Variants in SLC8A3 observed in about 807,000 individuals in gnomAD.
The protein encoded by SLC8A3 is sodium/calcium exchanger 3.
SLC8A3 carries 37 observed loss-of-function variants against 65.4 expected under a neutral mutation model. The ratio of observed to expected loss-of-function variants is 0.57; its 90% CI spans 0.44 to 0.74. SLC8A3 has a LOEUF of 0.74. SLC8A3 is among the 30% of genes least tolerant of loss of function. SLC8A3 has a pLI of 0.00. For synonymous variants in SLC8A3, 461 were observed against 444.5 expected, an observed-to-expected ratio of 1.04 and a Z score of -0.47; for missense variants, 1,112 against 1,172.1, an observed-to-expected ratio of 0.95 and a Z score of 0.75.
At chr14:70,081,154 C>T (rs914995993) in intron 2 of SLC8A3, among the ~76,000 whole-genome samples, 3 of 152,172 alleles carry the variant, frequency 2.0e-5, no homozygotes, top group African/African-American at 7.2e-5. Flanking sequence ...AATCTCCCTT[C>T]GACAAAACCT....
chr14:70,049,479 G>C (rs1887214218), intron 5 of SLC8A3, among the ~76,000 whole-genome samples: 1 of 152,144 alleles, frequency 6.6e-6, no homozygotes, highest in Non-Finnish European at 1.5e-5. Context: ...ACTGGAGCCT[G>C]TCAGGGGTGA....
chr14:70,070,390 C>CCACACA (rs1889898435), intron 2 of SLC8A3, among the ~76,000 whole-genome samples: 1 of 152,058 alleles, frequency 6.6e-6, no homozygotes, highest in Admixed American at 6.5e-5. Flanking sequence ...ATCCCCATTC[C>CCACACA]CACACATGAA....
intron 2 of SLC8A3, among the ~76,000 whole-genome samples, chr14:70,095,279 C>T (rs938335458): frequency 1.3e-5 from 2 of 152,176 alleles, no homozygotes; most frequent in African/African-American, 4.8e-5. Flanking sequence ...CCTAAGAGGG[C>T]CCTAGGACCC....
At chr14:70,104,434 T>C (rs1411399019) in intron 2 of SLC8A3, among the ~76,000 whole-genome samples, 2 of 152,142 alleles carry the variant, frequency 1.3e-5, no homozygotes, top group African/African-American at 4.8e-5. Context: ...TCATATAATT[T>C]GAGACTCTGT....
chr14:70,137,048 A>C (rs909084696), intron 2 of SLC8A3, among the ~76,000 whole-genome samples: 4 of 152,212 alleles, frequency 2.6e-5, no homozygotes, highest in African/African-American at 9.6e-5. Context: ...ACCTCATTAG[A>C]GTCAGAGATA....
At chr14:70,095,502 A>G (rs187653133) in intron 2 of SLC8A3, among the ~76,000 whole-genome samples, 168 of 152,342 alleles carry the variant, frequency 1.1e-3, no homozygotes, top group Middle Eastern at 0.01. Context: ...CTTGGACCAC[A>G]ACAGCGGCTT....
At position 70,049,013 on chromosome 14, in the gene SLC8A3, C is replaced by T. The variant is rs753764714; in HGVS notation, c.2143G>A (p.Glu715Lys). The T allele has an allele frequency of 2.5e-6, 4 of 1,613,318 alleles. No individual in the cohort carries two copies. The highest frequency in any genetic ancestry group is 3.4e-6 in the Non-Finnish European group (4 of 1,179,456). ...TCAAAGCAGGAGGGCAGCCTCTCCT[C>T]CCCGGATTCATCCTCATCCTCATCC... is the stretch of plus-strand genomic sequence containing the variant. ...AGDEDEDESG[E>K]ERLPSCFDYV... is the part of the protein sequence containing the mutation. Residue 715 changes from glutamate to lysine, a missense_variant, in exon 6 of 7, where the codon GAG becomes AAG. Transcript: ENST00000356921.
chr14:70,113,544 T>A (rs1433316885), intron 2 of SLC8A3, among the ~76,000 whole-genome samples: 3 of 152,244 alleles, frequency 2.0e-5, no homozygotes, highest in Non-Finnish European at 4.4e-5. Context: ...TGAGAAATCA[T>A]CCTACTTCTT....
At chr14:70,162,155 C>A (rs554456140) in intron 2 of SLC8A3, among the ~76,000 whole-genome samples, 62 of 152,194 alleles carry the variant, frequency 4.1e-4, no homozygotes, top group Non-Finnish European at 7.8e-4. Context: ...ACTCACACTT[C>A]CAGAGCATCT....
At chr14:70,070,037 A>G (rs1889869342) in intron 2 of SLC8A3, among the ~76,000 whole-genome samples, 1 of 152,134 alleles carries the variant, frequency 6.6e-6, no homozygotes, top group South Asian at 2.1e-4. Context: ...TGCTAGTGCC[A>G]GTCAAGGATG....
chr14:70,099,302 A>T (rs61290566), intron 2 of SLC8A3, among the ~76,000 whole-genome samples: 28,665 of 152,230 alleles, frequency 0.19, 2,854 homozygotes, highest in Non-Finnish European at 0.22. Context: ...AGATTGTGAC[A>T]GAAAGAAGAA....
rs574321920 is a variant in SLC8A3 at position 70,129,849 on chromosome 14, A to T, written c.1784+36790T>A. 2.0e-5 allele frequency among the ~76,000 whole-genome samples: 3 copies of T among 152,332 alleles called. No individual in the cohort carries two copies. The East Asian group carries it at 5.8e-4, about 29-fold the overall frequency. On this transcript the variant is annotated intron_variant, in intron 2 of 6. Transcript: ENST00000356921. ...TAAACAGTAAACTCTTGGAGGGCAG[A>T]ATCCAGTATTTTTTGCATAGCTCAA...
chr14:70,096,232 C>T (rs1396079615), intron 2 of SLC8A3, among the ~76,000 whole-genome samples: 1 of 152,128 alleles, frequency 6.6e-6, no homozygotes, highest in Non-Finnish European at 1.5e-5. Flanking sequence ...GGTGCCTTTA[C>T]TGGGTTCCTG....
Position 70,045,828 on chromosome 14 carries a change from G to A in SLC8A3, c.*119C>T, listed in dbSNP as rs1886693476. The stretch of plus-strand genomic sequence containing the variant: ...GCCTAAGTTGGGTGAAGTTCCTGGG[G>A]CTTAGGTCCTGATGCTGCCTCTCCA... On this transcript the variant is annotated 3_prime_UTR_variant, in exon 7 of 7. Transcript: ENST00000356921. The A allele has an allele frequency of 3.9e-6, 4 of 1,029,000 alleles. No individual in the cohort carries two copies. Among genetic ancestry groups the A allele is most frequent in the Non-Finnish European group, 4.1e-6 (3 of 725,914 alleles). 63.7% of individuals were successfully genotyped at this position (1,029,000 alleles called of 1,614,324 possible).
intron 1 of SLC8A3, among the ~76,000 whole-genome samples, chr14:70,186,572 G>A (rs1332119786): frequency 6.6e-6 from 1 of 152,174 alleles, no homozygotes; most frequent in African/African-American, 2.4e-5. Context: ...CTTCAACCAA[G>A]TTCAGTTCTA....
Position 70,090,041 on chromosome 14 carries a change from C to CT in SLC8A3, c.1785-29103dup, listed in dbSNP as rs532490299. Among the ~76,000 whole-genome samples the CT allele has an allele frequency of 3.0e-4, 45 of 150,358 alleles. 1 individual carries two copies. The highest frequency in any genetic ancestry group is 3.2e-3 in the Middle Eastern group (1 of 308). On this transcript the variant is annotated intron_variant, in intron 2 of 6. Transcript: ENST00000356921. ...TTTCTCCTGTAACTACCCTTTCTGTCTTTTTTTTTAACATATTTTGCTAAC... is the reference window on the plus strand; with the variant it reads ...TTTCTCCTGTAACTACCCTTTCTGTCTTTTTTTTTTAACATATTTTGCTAAC...
At chr14:70,150,763 C>A (rs372305873) in intron 2 of SLC8A3, among the ~76,000 whole-genome samples, 22 of 152,160 alleles carry the variant, frequency 1.4e-4, no homozygotes, top group African/African-American at 5.3e-4. Context: ...CTTTAAGGCA[C>A]CGAGGAACTC....
intron 2 of SLC8A3, among the ~76,000 whole-genome samples, chr14:70,071,372 C>G (rs1358606604): frequency 6.6e-6 from 1 of 152,096 alleles, no homozygotes; most frequent in Non-Finnish European, 1.5e-5. Flanking sequence ...CGCTTAAAAG[C>G]AAAGAACTTT....
intron 1 of SLC8A3, among the ~76,000 whole-genome samples, chr14:70,171,243 A>G (rs17107920): frequency 0.15 from 23,116 of 152,102 alleles, 1,873 homozygotes; most frequent in Middle Eastern, 0.19. Context: ...CATGGGGGAG[A>G]GAAGAGAGCC....
Sources: gnomAD v4.1 joint callset for allele counts (sites outside exome capture counted in the v4.1 genomes callset) on GRCh38, gnomAD v4.1.1 for gene constraint, MANE v1.5 for transcripts, NCBI Gene and HGNC (gene_info 2026-07-23, HGNC 2026-07-21) for gene names.